The following CCNYL1 variants were observed in gnomAD, a reference collection of about 807,000 sequenced individuals.
CCNYL1 encodes the protein cyclin Y like 1.
In CCNYL1, 16 loss-of-function variants were observed where a neutral mutation model predicts 44.2. The ratio of observed to expected loss-of-function variants is 0.36; its 90% CI spans 0.25 to 0.55. The LOEUF (loss-of-function observed/expected upper bound fraction) is 0.55. Among genes scored for constraint, CCNYL1 ranks in the 20% least tolerant of loss-of-function variants. The pLI, the probability that CCNYL1 is intolerant of heterozygous loss-of-function variation, is 0.85. For synonymous variants in CCNYL1, 159 were observed against 163.2 expected (o/e 0.97, Z 0.20); for missense variants, 348 against 451.8 (o/e 0.77, Z 2.08).
chr2:207,713,864 T>A (rs945297664), intron 1 of CCNYL1, among the ~76,000 whole-genome samples: 6 of 152,200 alleles, frequency 3.9e-5, no homozygotes, highest in Non-Finnish European at 5.9e-5. Context: ...TGTAAGTGCT[T>A]GTGAAAACTT....
chr2:207,721,226 G>A (rs1350341890), intron 1 of CCNYL1, among the ~76,000 whole-genome samples: 1 of 152,124 alleles, frequency 6.6e-6, no homozygotes, highest in Non-Finnish European at 1.5e-5. Context: ...AATGTCTCCT[G>A]TTTAATTGGG....
At position 207,738,042 on chromosome 2, in the gene CCNYL1, A is replaced by G. The variant is rs149027414; in HGVS notation, c.467+596A>G. ...TTTTTAATTTCAACTTTTATTTTAG[A>G]TACAGTGAGTACATGTGTAGGTGTA... is the stretch of plus-strand genomic sequence containing the variant. On this transcript the variant is annotated intron_variant, in intron 5 of 9. Transcript: ENST00000295414. Among the ~76,000 whole-genome samples the G allele has an allele frequency of 1.1e-4, 17 of 152,104 alleles. No homozygotes were observed. The East Asian group carries it at 3.3e-3, about 29-fold the overall frequency.
At chr2:207,724,120 G>A (rs980242776) in intron 1 of CCNYL1, among the ~76,000 whole-genome samples, 6 of 152,042 alleles carry the variant, frequency 3.9e-5, no homozygotes, top group Non-Finnish European at 8.8e-5. Flanking sequence ...GCTTTAAAAC[G>A]TACTCTTGAT....
chr2:207,729,048 C>T (rs1237764676), intron 3 of CCNYL1, among the ~76,000 whole-genome samples: 18 of 152,094 alleles, frequency 1.2e-4, no homozygotes, highest in African/African-American at 3.9e-4. Context: ...CTGCCCGCCT[C>T]GGCGTCCCAA....
At chr2:207,737,704 A>C (rs1019188888) in intron 5 of CCNYL1, among the ~76,000 whole-genome samples, 35 of 151,762 alleles carry the variant, frequency 2.3e-4, no homozygotes, top group African/African-American at 7.5e-4. Context: ...AAAAAAAAAA[A>C]CCCTATATTT....
intron 5 of CCNYL1, among the ~76,000 whole-genome samples, chr2:207,737,917 G>T (rs2091777833): frequency 6.6e-6 from 1 of 152,108 alleles, no homozygotes; most frequent in South Asian, 2.1e-4. Context: ...CAACGAAGTT[G>T]AGTAAAATGT....
chr2:207,729,250 GCCCCC>G (rs1247562126), intron 3 of CCNYL1, among the ~76,000 whole-genome samples: 1 of 68,188 alleles, frequency 1.5e-5, no homozygotes, highest in African/African-American at 8.8e-5. Context: ...ACTTGTCTCC[GCCCCC>G]CCCCGCCCCC....
chr2:207,731,091 C>G (rs1336575465), intron 3 of CCNYL1, among the ~76,000 whole-genome samples: 1 of 152,052 alleles, frequency 6.6e-6, no homozygotes, highest in Non-Finnish European at 1.5e-5. Context: ...CTATATTGCC[C>G]CATTACTGTG....
intron 8 of CCNYL1, chr2:207,750,722 A>C: frequency 4.8e-6 from 2 of 420,190 alleles, no homozygotes; most frequent in Non-Finnish European, 8.5e-6. Context: ...CAGCAGCACA[A>C]GTGCATCGGA....
intron 7 of CCNYL1, among the ~76,000 whole-genome samples, chr2:207,745,147 C>T (rs957141693): frequency 5.3e-5 from 8 of 152,008 alleles, no homozygotes; most frequent in Admixed American, 2.0e-4. Context: ...GACACCAGGA[C>T]ATGATGCTTT....
chr2:207,727,429 G>T (rs1279300751), intron 3 of CCNYL1, among the ~76,000 whole-genome samples: 2 of 152,006 alleles, frequency 1.3e-5, no homozygotes, highest in Non-Finnish European at 1.5e-5. Flanking sequence ...AAATATTTCT[G>T]AAATCTGGGC....
intron 1 of CCNYL1, chr2:207,714,312 CTTTTTTTTTTTTT>C (rs60004559): frequency 4.2e-5 from 13 of 310,026 alleles, no homozygotes; most frequent in East Asian, 2.1e-4. Flanking sequence ...ACTTACATCT[CTTTTTTTTTTTTT>C]TTTTTTTTTT....
intron 8 of CCNYL1, among the ~76,000 whole-genome samples, chr2:207,750,391 G>C (rs1374045993): frequency 2.6e-5 from 4 of 152,142 alleles, no homozygotes; most frequent in Non-Finnish European, 5.9e-5. Flanking sequence ...CCCTTCCCCT[G>C]TAATGTAGCT....
chr2:207,725,557 G>A (rs1575212259), intron 2 of CCNYL1, among the ~76,000 whole-genome samples: 2 of 152,176 alleles, frequency 1.3e-5, no homozygotes, highest in East Asian at 1.9e-4. Flanking sequence ...AAATCAGTTC[G>A]TATACAGGGA....
chr2:207,724,910 A>T (rs2091668713), intron 2 of CCNYL1, 36 bp downstream of exon 2: 1 of 1,478,760 alleles, frequency 6.8e-7, no homozygotes, highest in African/African-American at 1.4e-5. Context: ...CAAGGAAAAG[A>T]CTGAAAACTG....
intron 1 of CCNYL1, chr2:207,714,208 T>A (rs1238489024): frequency 1.9e-5 from 7 of 363,694 alleles, no homozygotes; most frequent in Non-Finnish European, 3.7e-5. Flanking sequence ...GAATGCATCA[T>A]GTATTTTACC....
intron 6 of CCNYL1, 67 bp from the exon 7 acceptor site, chr2:207,742,151 CAAAAA>C: frequency 1.5e-4 from 166 of 1,098,406 alleles, no homozygotes; most frequent in Middle Eastern, 6.7e-4. Flanking sequence ...AACTCAGTCT[CAAAAA>C]AAAAAAAAAA....
chr2:207,731,806 C>CTTTTTTT (rs58231431), intron 3 of CCNYL1, among the ~76,000 whole-genome samples: 2 of 84,706 alleles, frequency 2.4e-5, no homozygotes, highest in African/African-American at 3.9e-5. Flanking sequence ...GAGGTTTCTT[C>CTTTTTTT]TTTTTTTTTT....
rs368790526 is a variant in CCNYL1, at chr2:207,712,056, G to T, written c.160G>T (p.Asp54Tyr). ...APAVVEPAEL[D>Y]FGEGEGHHLQ... ...CGCTGTGGTGGAGCCTGCCGAGTTG[G>T]ATTTCGGAGAGGGCGAGGGCCACCA... The change falls in exon 1 of 10, where the codon GAT (aspartate) becomes TAT (tyrosine). Residue 54 changes from aspartate to tyrosine, a missense_variant. Coordinates refer to ENST00000295414, the MANE Select transcript of CCNYL1 (RefSeq NM_001330218.2). The T allele has an allele frequency of 6.8e-4, 1,058 of 1,559,858 alleles. No individual in the cohort carries two copies. The highest frequency in any genetic ancestry group is 8.8e-4 in the Non-Finnish European group (1,016 of 1,155,676).
Sources: gnomAD v4.1 joint callset for allele counts (sites outside exome capture counted in the v4.1 genomes callset) on GRCh38, gnomAD v4.1.1 for gene constraint, MANE v1.5 for transcripts, NCBI Gene and HGNC (gene_info 2026-07-23, HGNC 2026-07-21) for gene names.